Variants in DYSF observed in about 807,000 individuals in gnomAD.
The protein encoded by DYSF is dystrophy-associated fer-1-like 1.
Under a neutral mutation model 274.9 loss-of-function variants are expected in DYSF, and 212 were observed. The ratio of observed to expected loss-of-function variants is 0.77; its 90% CI spans 0.69 to 0.86. The LOEUF is 0.86. DYSF is among the 40% of genes least tolerant of loss of function. DYSF has a pLI of 0.00. For missense variants in DYSF, 2,666 were observed against 2,783.2 expected (o/e 0.96, Z 0.95); for synonymous variants, 1,091 against 1,078.7 (o/e 1.01, Z -0.22).
chr2:71,541,957 T>C (rs1376764021), intron 17 of DYSF, among the ~76,000 whole-genome samples: 1 of 152,234 alleles, frequency 6.6e-6, no homozygotes, highest in Non-Finnish European at 1.5e-5. Context: ...GTCTGAGACA[T>C]GATGAATTCT....
At position 71,603,677 on chromosome 2, in the gene DYSF, C is replaced by A. The variant is rs139568663; in HGVS notation, c.3957+872C>A. 2.0e-4 allele frequency among the ~76,000 whole-genome samples: 30 copies of A among 152,272 alleles called. No homozygotes were observed. In the East Asian group the frequency reaches 5.0e-3, roughly 25 times the overall value. ...CCGCCAAGTGAGCTCGCTGTAATTG[C>A]GCCTGACAGGCGGCCTCCTGCTTCT... On this transcript the variant is annotated intron_variant, in intron 36 of 55. Transcript: ENST00000410020.
At chr2:71,585,961 C>T (rs1321112714) in intron 30 of DYSF, among the ~76,000 whole-genome samples, 1 of 151,984 alleles carries the variant, frequency 6.6e-6, no homozygotes, top group African/African-American at 2.4e-5. Flanking sequence ...GGGGCAAGGG[C>T]CTGGGGGCAA....
chr2:71,548,890 C>T (rs73942321), intron 17 of DYSF, among the ~76,000 whole-genome samples: 5,080 of 152,296 alleles, frequency 0.033, 287 homozygotes, highest in African/African-American at 0.11. Context: ...CACGACCTGC[C>T]TGCGGGCTTG....
chr2:71,685,168 C>T (rs1226686409), intron 55 of DYSF, among the ~76,000 whole-genome samples: 1 of 152,214 alleles, frequency 6.6e-6, no homozygotes, highest in Non-Finnish European at 1.5e-5. Flanking sequence ...TGTGGTCCTT[C>T]CTCATCGCTG....
intron 20 of DYSF, 54 bp from the exon 21 acceptor site, chr2:71,553,753 T>TCCCCCCCCCCCCCCC: frequency 1.8e-6 from 1 of 567,524 alleles, no homozygotes; most frequent in Non-Finnish European, 3.0e-6. Flanking sequence ...TAGCACCCCA[T>TCCCCCCCCCCCCCCC]CCCACCCGCC....
chr2:71,670,497 A>G (rs1390005818), intron 51 of DYSF, among the ~76,000 whole-genome samples: 2 of 152,192 alleles, frequency 1.3e-5, no homozygotes, highest in East Asian at 3.9e-4. Flanking sequence ...CGTCCAAGCT[A>G]GGTCACAGTC....
chr2:71,462,923 A>G (rs146039578), upstream of DYSF, among the ~76,000 whole-genome samples: 1,009 of 152,294 alleles, frequency 6.6e-3, 11 homozygotes, highest in African/African-American at 0.02. Flanking sequence ...GACCAGGAGC[A>G]GGCTGGGGGA....
chr2:71,482,086 A>G lies in DYSF; in HGVS notation c.239+116A>G, dbSNP rs973204224. 6 of 797,566 alleles carry G rather than the reference A, an allele frequency of 7.5e-6. 1 individual carries two copies. The East Asian group carries it at 7.9e-5, about 10-fold the overall frequency. 49.4% of individuals were successfully genotyped at this position (797,566 alleles called of 1,614,324 possible). ...CTGGGGTTTCAATTAGCATTTATCC[A>G]CCTCCTCCCATGGGACTGGCCCAGT... On this transcript the variant is annotated intron_variant, in intron 3 of 55. Coordinates refer to ENST00000410020, the MANE Select transcript of DYSF (RefSeq NM_001130987.2).
chr2:71,669,228 T>A, intron 50 of DYSF, 21 bp downstream of exon 50: 4 of 1,579,478 alleles, frequency 2.5e-6, no homozygotes, highest in Non-Finnish European at 3.5e-6. Flanking sequence ...AGCGTCCTCT[T>A]GCCTGTCCAG....
At chr2:71,553,996 G>A (rs1292554258) in intron 21 of DYSF, 65 bp downstream of exon 21, 1 of 1,611,458 alleles carries the variant, frequency 6.2e-7, no homozygotes, top group East Asian at 2.2e-5. Context: ...CGCTGCATGG[G>A]GTGTCTCAGA....
At chr2:71,677,529 T>G (rs1395238472) in intron 52 of DYSF, among the ~76,000 whole-genome samples, 1 of 152,136 alleles carries the variant, frequency 6.6e-6, no homozygotes, top group Non-Finnish European at 1.5e-5. Context: ...GAAGGTATCC[T>G]GGGAGATGAT....
At chr2:71,530,226 A>G (rs2088519336) in intron 14 of DYSF, among the ~76,000 whole-genome samples, 2 of 152,238 alleles carry the variant, frequency 1.3e-5, no homozygotes, top group Non-Finnish European at 2.9e-5. Context: ...TTTGTGGGAC[A>G]CTAGCTCCAA....
At chr2:71,678,045 T>G (rs2095248588) in intron 52 of DYSF, among the ~76,000 whole-genome samples, 1 of 152,208 alleles carries the variant, frequency 6.6e-6, no homozygotes, top group Admixed American at 6.5e-5. Flanking sequence ...TCTGATGCTT[T>G]TTGGATTTTG....
At chr2:71,595,730 G>A (rs916138326) in intron 32 of DYSF, among the ~76,000 whole-genome samples, 7 of 152,194 alleles carry the variant, frequency 4.6e-5, no homozygotes, top group African/African-American at 1.7e-4. Flanking sequence ...TCCTCCCTGG[G>A]GCAGCCGTGG....
intron 30 of DYSF, among the ~76,000 whole-genome samples, chr2:71,586,215 G>A (rs1403046349): frequency 6.6e-6 from 1 of 152,152 alleles, no homozygotes; most frequent in East Asian, 1.9e-4. Flanking sequence ...CGTGTGGGTG[G>A]AAGTTTGCCC....
At chr2:71,635,781 A>C (rs896982781) in intron 41 of DYSF, among the ~76,000 whole-genome samples, 3 of 149,916 alleles carry the variant, frequency 2.0e-5, no homozygotes, top group South Asian at 4.2e-4. Flanking sequence ...AAAAAAGAAA[A>C]AGAAAAAAGA....
chr2:71,486,610 A>T (rs561572523), intron 3 of DYSF, among the ~76,000 whole-genome samples: 1 of 151,996 alleles, frequency 6.6e-6, no homozygotes, highest in East Asian at 1.9e-4. Flanking sequence ...GAATCCTTTC[A>T]TGCCTCAGGA....
intron 17 of DYSF, among the ~76,000 whole-genome samples, chr2:71,548,335 A>G (rs2090644922): frequency 6.6e-6 from 1 of 152,220 alleles, no homozygotes. Flanking sequence ...GACTGCAGTC[A>G]CAGAGCTAGG....
chr2:71,601,362 C>T, intron 34 of DYSF, 137 bp from the exon 35 acceptor site: 1 of 1,149,636 alleles, frequency 8.7e-7, no homozygotes, highest in Non-Finnish European at 1.3e-6. Context: ...GCCAGCCTAG[C>T]ATCCCTTCTA....
Sources: gnomAD v4.1 joint callset for allele counts (sites outside exome capture counted in the v4.1 genomes callset) on GRCh38, gnomAD v4.1.1 for gene constraint, MANE v1.5 for transcripts, NCBI Gene and HGNC (gene_info 2026-07-23, HGNC 2026-07-21) for gene names.